The following LSAMP variants were observed in gnomAD, a reference collection of about 807,000 sequenced individuals.
LSAMP encodes limbic system-associated membrane protein.
A neutral mutation model predicts 38.6 loss-of-function variants in LSAMP; 7 were observed. That is an observed-to-expected ratio of 0.18 (90% CI 0.10 to 0.34). LSAMP has a LOEUF of 0.34. Among genes scored for constraint, LSAMP ranks in the 10% least tolerant of loss-of-function variants. The pLI, the probability that LSAMP is intolerant of heterozygous loss-of-function variation, is 1.00. For synonymous variants in LSAMP, 154 were observed against 166.8 expected (o/e 0.92, Z 0.59); for missense variants, 313 against 420.0 (o/e 0.75, Z 2.23).
intron 1 of LSAMP, among the ~76,000 whole-genome samples, chr3:116,179,808 A>G (rs1163422088): frequency 6.6e-6 from 1 of 152,212 alleles, no homozygotes; most frequent in Non-Finnish European, 1.5e-5. Context: ...ATAAAAATCC[A>G]AACCATATCA....
At chr3:116,206,085 G>A (rs2046064012) in intron 1 of LSAMP, among the ~76,000 whole-genome samples, 2 of 151,564 alleles carry the variant, frequency 1.3e-5, no homozygotes, top group African/African-American at 4.9e-5. Context: ...TTCAGCTCCT[G>A]TTATTGGTCT....
intron 3 of LSAMP, among the ~76,000 whole-genome samples, chr3:115,893,781 C>T (rs1936661430): frequency 6.6e-6 from 1 of 151,942 alleles, no homozygotes; most frequent in South Asian, 2.1e-4. Context: ...TCTATTTTTA[C>T]TCTAAATAAA....
chr3:116,167,013 G>T (rs180690561), intron 1 of LSAMP, among the ~76,000 whole-genome samples: 1 of 152,008 alleles, frequency 6.6e-6, no homozygotes, highest in Admixed American at 6.6e-5. Flanking sequence ...GGATGGTCTT[G>T]ATCTCCTGAC....
At chr3:116,209,657 C>T (rs912115212) in intron 1 of LSAMP, among the ~76,000 whole-genome samples, 17 of 152,216 alleles carry the variant, frequency 1.1e-4, no homozygotes, top group African/African-American at 3.4e-4. Flanking sequence ...GGAGCCCAAA[C>T]GCAAACAGTG....
At chr3:116,391,596 C>T (rs1006320988) in intron 1 of LSAMP, among the ~76,000 whole-genome samples, 7 of 151,488 alleles carry the variant, frequency 4.6e-5, no homozygotes, top group African/African-American at 1.5e-4. Flanking sequence ...GCGGGGGTGG[C>T]AAGGAGGGGC....
chr3:116,140,009 A>G (rs1709335870), intron 1 of LSAMP, among the ~76,000 whole-genome samples: 1 of 152,022 alleles, frequency 6.6e-6, no homozygotes, highest in Non-Finnish European at 1.5e-5. Flanking sequence ...AATTTCTGCA[A>G]GTTACAAATG....
rs894175589 is a variant in LSAMP, at chr3:115,950,396, C to G, written c.514+69119G>C. On this transcript the variant is annotated intron_variant, in intron 3 of 6. Transcript: ENST00000490035. ...ATGAATTCAGTAAAGTCTCAGGATA[C>G]AAAAATCAATGTATACAAATCGGTA... 2.0e-5 allele frequency among the ~76,000 whole-genome samples: 3 copies of G among 151,950 alleles called. 1 individual carries two copies. Among genetic ancestry groups the G allele is most frequent in the Admixed American group, 6.6e-5 (1 of 15,252 alleles).
intron 6 of LSAMP, among the ~76,000 whole-genome samples, chr3:115,839,246 CTTCCTTCCTTCTTTCT>C (rs1244651588): frequency 1.9e-4 from 20 of 108,060 alleles, no homozygotes; most frequent in African/African-American, 3.1e-4. Context: ...TCTTTCCTTC[CTTCCTTCCTTCTTTCT>C]TTCCTTCCTT....
Position 116,226,751 on chromosome 3 carries a change from T to C in LSAMP, c.156-140195A>G, listed in dbSNP as rs886261456. ...TGTGTGTCGTGTAGACACGTCACAG[T>C]TAGGCTTCATAAAGTGCATGGCTGC... On this transcript the variant is annotated intron_variant, in intron 1 of 6. Transcript: ENST00000490035. 2.6e-5 allele frequency among the ~76,000 whole-genome samples: 4 copies of C among 152,296 alleles called. No individual in the cohort carries two copies. In the East Asian group the frequency reaches 7.7e-4, roughly 29 times the overall value.
chr3:116,336,317 A>C (rs763220172), intron 1 of LSAMP, among the ~76,000 whole-genome samples: 2 of 152,072 alleles, frequency 1.3e-5, no homozygotes, highest in Non-Finnish European at 1.5e-5. Context: ...CACTATCAGC[A>C]AAAGACAGCC....
At chr3:116,359,650 G>A (rs1307559931) in intron 1 of LSAMP, among the ~76,000 whole-genome samples, 2 of 152,116 alleles carry the variant, frequency 1.3e-5, no homozygotes, top group Admixed American at 1.3e-4. Flanking sequence ...ATGTGCCATG[G>A]TGGTAAACAT....
intron 1 of LSAMP, among the ~76,000 whole-genome samples, chr3:116,444,383 G>A (rs2049474792): frequency 1.9e-5 from 1 of 53,688 alleles, no homozygotes; most frequent in African/African-American, 9.8e-5. Context: ...TGTGTGTGTT[G>A]GCATGAAAAA....
At chr3:115,813,938 C>G (rs1933924195) in intron 6 of LSAMP, among the ~76,000 whole-genome samples, 1 of 152,100 alleles carries the variant, frequency 6.6e-6, no homozygotes, top group South Asian at 2.1e-4. Context: ...CATAAATTAG[C>G]CTTAAGAATA....
At chr3:115,888,511 C>T (rs941973006) in intron 3 of LSAMP, among the ~76,000 whole-genome samples, 1 of 151,876 alleles carries the variant, frequency 6.6e-6, no homozygotes, top group African/African-American at 2.4e-5. Context: ...TCCAGAGTTC[C>T]AAGCATCTCC....
intron 1 of LSAMP, among the ~76,000 whole-genome samples, chr3:116,387,955 T>A (rs1696187180): frequency 6.7e-6 from 1 of 150,226 alleles, no homozygotes; most frequent in African/African-American, 2.5e-5. Context: ...AAAAAAAAAA[T>A]GAGTTGGGTG....
At chr3:116,014,141 C>T (rs553520780) in intron 3 of LSAMP, among the ~76,000 whole-genome samples, 1 of 152,154 alleles carries the variant, frequency 6.6e-6, no homozygotes, top group African/African-American at 2.4e-5. Context: ...AAGTCATATG[C>T]ATTTAGCATG....
chr3:115,913,329 T>C (rs1004254597), intron 3 of LSAMP, among the ~76,000 whole-genome samples: 7 of 152,234 alleles, frequency 4.6e-5, no homozygotes, highest in African/African-American at 1.7e-4. Flanking sequence ...TCTACATTTG[T>C]AGTACAGTGT....
In LSAMP at chr3:116,057,969, A is replaced by C. The variant is rs544666975; in HGVS notation, c.388+28355T>G. On this transcript the variant is annotated intron_variant, in intron 2 of 6. Coordinates refer to ENST00000490035, the MANE Select transcript of LSAMP (RefSeq NM_002338.5). Reference sequence around the variant, plus strand: ...CACACACACACACCCACACACACACACACACACACACAGAGTGAATGGTAT... The same window carrying C: ...CACACACACACACCCACACACACACCCACACACACACAGAGTGAATGGTAT... Among the ~76,000 whole-genome samples, 4 of 145,488 alleles carry C rather than the reference A, an allele frequency of 2.7e-5. No individual in the cohort carries two copies. The South Asian group carries it at 6.4e-4, about 23-fold the overall frequency.
chr3:116,437,270 C>T (rs974537566), intron 1 of LSAMP, among the ~76,000 whole-genome samples: 9 of 151,322 alleles, frequency 5.9e-5, no homozygotes, highest in South Asian at 2.1e-4. Context: ...GGAAGGGGGG[C>T]GAGGAATAAA....
Sources: gnomAD v4.1 joint callset for allele counts (sites outside exome capture counted in the v4.1 genomes callset) on GRCh38, gnomAD v4.1.1 for gene constraint, MANE v1.5 for transcripts, NCBI Gene and HGNC (gene_info 2026-07-23, HGNC 2026-07-21) for gene names.